The following NETO1 variants were observed in gnomAD, a reference collection of about 807,000 sequenced individuals.
NETO1 encodes the protein neuropilin and tolloid-like protein 1.
A neutral mutation model predicts 61.3 loss-of-function variants in NETO1; 26 were observed. That is an observed-to-expected ratio of 0.42 (90% CI 0.31 to 0.59). NETO1 has a LOEUF of 0.59. Among genes scored for constraint, NETO1 ranks in the 20% least tolerant of loss-of-function variants. The pLI is 0.12. For synonymous variants in NETO1, 225 were observed against 225.8 expected, an observed-to-expected ratio of 1.00 and a Z score of 0.03; for missense variants, 531 against 662.8, an observed-to-expected ratio of 0.80 and a Z score of 2.18.
At chr18:72,850,919 C>T (rs917580486) in intron 4 of NETO1, among the ~76,000 whole-genome samples, 1 of 152,088 alleles carries the variant, frequency 6.6e-6, no homozygotes, top group African/African-American at 2.4e-5. Context: ...GCCAACAGTC[C>T]CACTTCTGGA....
intron 3 of NETO1, among the ~76,000 whole-genome samples, chr18:72,861,850 A>G (rs1182213547): frequency 1.3e-5 from 2 of 152,154 alleles, no homozygotes; most frequent in Admixed American, 6.5e-5. Context: ...ACCCATCTCC[A>G]CTATGCCAAT....
intron 7 of NETO1, among the ~76,000 whole-genome samples, chr18:72,756,816 G>A (rs973217400): frequency 2.0e-5 from 3 of 152,050 alleles, no homozygotes; most frequent in Admixed American, 1.3e-4. Context: ...TGAGGGGACT[G>A]AGAGGTAAAA....
rs1243211944 is a variant in NETO1, at chr18:72,830,885, C to T, written c.469+27941G>A. 1.3e-5 allele frequency among the ~76,000 whole-genome samples: 2 copies of T among 152,070 alleles called. No individual in the cohort carries two copies. The highest frequency in any genetic ancestry group is 1.5e-5 in the Non-Finnish European group (1 of 68,000). The stretch of plus-strand genomic sequence containing the variant: ...TTTATCCCCTATTTTCTTCTCTGAA[C>T]ATTGAGTTTTCATTTACCACTGCAG... On this transcript the variant is annotated intron_variant, in intron 4 of 10. Transcript: ENST00000327305. The surrounding 1 kb of genome is among the most constrained non-coding windows in gnomAD (Gnocchi z 4.9).
At chr18:72,837,798 A>C (rs892003801) in intron 4 of NETO1, among the ~76,000 whole-genome samples, 3 of 152,166 alleles carry the variant, frequency 2.0e-5, no homozygotes, top group South Asian at 2.1e-4. Context: ...TAAAAAACAA[A>C]CACCACCACC....
rs1215571311 is a variant in NETO1 at position 72,856,668 on chromosome 18, T to G, written c.469+2158A>C. On this transcript the variant is annotated intron_variant, in intron 4 of 10. Coordinates refer to ENST00000327305, the MANE Select transcript of NETO1 (RefSeq NM_138966.5). ...AGAAAAGAAAAGCCAGAACTGGAAG[T>G]CAGATCTAGTTTCAAATTCAGTGCT... Among the ~76,000 whole-genome samples, 5 of 152,284 alleles carry G rather than the reference T, an allele frequency of 3.3e-5. No homozygotes were observed. The East Asian group carries it at 9.7e-4, about 29-fold the overall frequency.
intron 4 of NETO1, 28 bp downstream of exon 4, chr18:72,858,798 G>C (rs1225737264): frequency 6.4e-7 from 1 of 1,565,650 alleles, no homozygotes; most frequent in Non-Finnish European, 8.6e-7. Flanking sequence ...GGAAGAAAAA[G>C]AAATTTTTTT....
chr18:72,827,945 T>C (rs1599093700), intron 4 of NETO1, among the ~76,000 whole-genome samples: 1 of 152,306 alleles, frequency 6.6e-6, no homozygotes, highest in South Asian at 2.1e-4. Context: ...AGATGTTATC[T>C]TTTGCTACTT....
intron 4 of NETO1, among the ~76,000 whole-genome samples, chr18:72,812,845 C>T (rs551258690): frequency 8.0e-4 from 122 of 152,238 alleles, no homozygotes; most frequent in African/African-American, 2.5e-3. Context: ...AGTCAACAGC[C>T]CTGTCAGAAC....
At chr18:72,819,848 A>C (rs2073138382) in intron 4 of NETO1, among the ~76,000 whole-genome samples, 1 of 152,172 alleles carries the variant, frequency 6.6e-6, no homozygotes, top group Non-Finnish European at 1.5e-5. Context: ...GTTAATTTAT[A>C]TTTAGAATGG....
chr18:72,768,566 C>A (rs575059313), intron 7 of NETO1, among the ~76,000 whole-genome samples: 27 of 152,156 alleles, frequency 1.8e-4, no homozygotes, highest in Non-Finnish European at 3.2e-4. Context: ...AGGGATTTCG[C>A]AGGTGTGAAT....
chr18:72,815,000 T>C (rs918981738), intron 4 of NETO1, among the ~76,000 whole-genome samples: 2 of 152,036 alleles, frequency 1.3e-5, no homozygotes, highest in East Asian at 1.9e-4. Flanking sequence ...AAACAACTTG[T>C]TTGGTGTTGC....
intron 5 of NETO1, 57 bp from the exon 6 acceptor site, chr18:72,794,301 A>C (rs1214039096): frequency 1.2e-6 from 2 of 1,613,712 alleles, no homozygotes; most frequent in African/African-American, 2.7e-5. Flanking sequence ...AATAAACCAA[A>C]AGTGTATTTC....
chr18:72,843,938 T>A (rs1001557153), intron 4 of NETO1, among the ~76,000 whole-genome samples: 12 of 152,198 alleles, frequency 7.9e-5, no homozygotes, highest in African/African-American at 2.9e-4. Flanking sequence ...AATGTTCTAT[T>A]TTAATATGCG....
In NETO1 at chr18:72,783,921, T is replaced by G; in HGVS notation, c.640-15A>C. On this transcript the variant is annotated splice_polypyrimidine_tract_variant and intron_variant, in intron 6 of 10. Coordinates refer to ENST00000327305, the MANE Select transcript of NETO1 (RefSeq NM_138966.5). ...CGTAAGTAAATCTATAAAACAAAAATAAAATAATTTCCACATATCAAAATA... is the reference window on the plus strand; with the variant it reads ...CGTAAGTAAATCTATAAAACAAAAAGAAAATAATTTCCACATATCAAAATA... 6.4e-7 allele frequency: 1 copy of G among 1,567,856 alleles called. No homozygotes were observed. Among genetic ancestry groups the G allele is most frequent in the Non-Finnish European group, 8.8e-7 (1 of 1,139,056 alleles).
intron 7 of NETO1, among the ~76,000 whole-genome samples, chr18:72,763,678 T>A (rs1288591036): frequency 6.6e-6 from 1 of 152,002 alleles, no homozygotes; most frequent in Admixed American, 6.6e-5. Context: ...GTCACACCTC[T>A]AGGTCTCCTA....
At chr18:72,758,063 T>TA (rs33912132) in intron 7 of NETO1, among the ~76,000 whole-genome samples, 109,886 of 151,868 alleles carry the variant, frequency 0.72, 39,963 homozygotes, top group African/African-American at 0.77. Context: ...AGGGGTAGTT[T>TA]AAAATTTAAA....
At chr18:72,821,894 T>C (rs577869087) in intron 4 of NETO1, among the ~76,000 whole-genome samples, 116 of 152,304 alleles carry the variant, frequency 7.6e-4, no homozygotes, top group Non-Finnish European at 1.4e-3. Context: ...GGGGCCTTCA[T>C]GGGATGTCTT....
intron 4 of NETO1, among the ~76,000 whole-genome samples, chr18:72,847,045 T>C (rs1490543121): frequency 1.3e-5 from 2 of 152,244 alleles, no homozygotes; most frequent in African/African-American, 4.8e-5. Context: ...AAACTGCATT[T>C]CTCTCTGAAT....
At chr18:72,816,828 C>G (rs779832371) in intron 4 of NETO1, among the ~76,000 whole-genome samples, 2 of 152,162 alleles carry the variant, frequency 1.3e-5, no homozygotes, top group Non-Finnish European at 1.5e-5. Flanking sequence ...CAGAAAACCA[C>G]AGTTGAAGAG....
Sources: allele counts gnomAD v4.1 joint callset (sites outside exome capture counted in the v4.1 genomes callset), GRCh38; gene constraint gnomAD v4.1.1; non-coding constraint Gnocchi (gnomAD v3.1); transcripts MANE v1.5; gene names NCBI Gene and HGNC (gene_info 2026-07-23, HGNC 2026-07-21).